The following ACER2 variants were observed in gnomAD, a reference collection of about 807,000 sequenced individuals.
ACER2 encodes alkCDase 2.
In ACER2, 26 loss-of-function variants were observed where a neutral mutation model predicts 34.7. That is an observed-to-expected ratio of 0.75 (90% confidence interval 0.55 to 1.04). ACER2 has a LOEUF of 1.04. ACER2 is among the 50% of genes least tolerant of loss of function. The pLI is 0.00. For missense variants in ACER2, 352 were observed against 340.8 expected (o/e 1.03, Z -0.26); for synonymous variants, 138 against 132.1 (o/e 1.04, Z -0.31).
chr9:19,411,448 G>A (rs1016781539), intron 1 of ACER2, among the ~76,000 whole-genome samples: 2 of 152,146 alleles, frequency 1.3e-5, no homozygotes, highest in East Asian at 1.9e-4. Context: ...GCTGTGGTGC[G>A]ATCTTGGCTC....
intron 1 of ACER2, among the ~76,000 whole-genome samples, chr9:19,414,310 T>G (rs1313371473): frequency 5.3e-5 from 8 of 152,220 alleles, no homozygotes; most frequent in African/African-American, 1.9e-4. Context: ...CTCAGCTGTT[T>G]ATGAACCTGC....
At chr9:19,450,394 C>T in intron 5 of ACER2, 56 bp from the exon 6 acceptor site, 1 of 1,480,224 alleles carries the variant, frequency 6.8e-7, no homozygotes, top group Non-Finnish European at 9.1e-7. Context: ...AGGCTAAACT[C>T]AGGGCAGCGG....
intron 4 of ACER2, among the ~76,000 whole-genome samples, chr9:19,441,239 T>G (rs914473300): frequency 6.6e-6 from 1 of 151,994 alleles, no homozygotes; most frequent in South Asian, 2.1e-4. Flanking sequence ...TTAGTAGAGA[T>G]GGGGTTTCAC....
rs373494086 is a variant in ACER2, at chr9:19,436,307, A to G, written c.503+1223A>G. 7.8e-4 allele frequency among the ~76,000 whole-genome samples: 119 copies of G among 152,290 alleles called. 2 individuals are homozygous for G. The South Asian group carries it at 0.023, about 29-fold the overall frequency. On this transcript the variant is annotated intron_variant, in intron 4 of 5. Coordinates refer to ENST00000340967, the MANE Select transcript of ACER2 (RefSeq NM_001010887.3). ...TCAAGAGTCACTAATGACGTTTTTT[A>G]AAAAACTAATTTTATCAAGTAGCTC... is the stretch of plus-strand genomic sequence containing the variant.
chr9:19,432,268 T>C (rs1292439006), intron 3 of ACER2, among the ~76,000 whole-genome samples: 1 of 152,224 alleles, frequency 6.6e-6, no homozygotes, highest in Admixed American at 6.5e-5. Context: ...TCTATTGGAA[T>C]TTTTTCTTAA....
At chr9:19,434,672 C>G (rs1241227998) in intron 3 of ACER2, among the ~76,000 whole-genome samples, 3 of 152,194 alleles carry the variant, frequency 2.0e-5, no homozygotes, top group Non-Finnish European at 4.4e-5. Flanking sequence ...ACTCCGCAGG[C>G]TGAGGCAGGA....
At chr9:19,415,269 T>C (rs1206076058) in intron 1 of ACER2, among the ~76,000 whole-genome samples, 1 of 152,158 alleles carries the variant, frequency 6.6e-6, no homozygotes, top group East Asian at 1.9e-4. Flanking sequence ...GGTGGGCTGA[T>C]CACTTGAGGT....
rs1318447045 is a variant in ACER2 at position 19,434,976 on chromosome 9, T to TG, written c.396dup (p.Ser133ValfsTer38). ...AGGTTCAAGGTGGTGGTCAGTGTCC[T>TG]GTCTGCGGTTACGACGTGCCTGGCA... On this transcript the variant is annotated frameshift_variant, in exon 4 of 6. Coordinates refer to ENST00000340967, the MANE Select transcript of ACER2 (RefSeq NM_001010887.3). LOFTEE classifies it high-confidence loss of function. The TG allele has an allele frequency of 1.2e-6, 2 of 1,614,076 alleles. No homozygotes were observed. The highest frequency in any genetic ancestry group is 1.7e-6 in the Non-Finnish European group (2 of 1,180,044).
intron 1 of ACER2, among the ~76,000 whole-genome samples, chr9:19,412,185 T>C (rs1707410274): frequency 6.6e-6 from 1 of 152,310 alleles, no homozygotes; most frequent in East Asian, 1.9e-4. Flanking sequence ...TACTTTTTGA[T>C]AGGAAAAAAG....
chr9:19,418,093 A>G (rs933704984), intron 1 of ACER2, among the ~76,000 whole-genome samples: 2 of 152,262 alleles, frequency 1.3e-5, no homozygotes, highest in Non-Finnish European at 2.9e-5. Flanking sequence ...AAACATATGA[A>G]AAAAGCTCAT....
chr9:19,432,451 G>C (rs1830785108), intron 3 of ACER2, among the ~76,000 whole-genome samples: 1 of 151,776 alleles, frequency 6.6e-6, no homozygotes, highest in African/African-American at 2.4e-5. Context: ...TTGCAAATCA[G>C]GTTTTATTGG....
In ACER2 at chr9:19,437,579, C is replaced by T. The variant is rs146040765; in HGVS notation, c.503+2495C>T. Among the ~76,000 whole-genome samples the T allele has an allele frequency of 2.5e-3, 374 of 152,300 alleles. 1 individual carries two copies. The highest frequency in any genetic ancestry group is 0.01 in the Middle Eastern group (3 of 294). ...TATCCTTTACAAAAACCTTCAGTGG[C>T]GCCTCGTTGTCTAAGCTTCCCTTAG... On this transcript the variant is annotated intron_variant, in intron 4 of 5. Coordinates refer to ENST00000340967, the MANE Select transcript of ACER2 (RefSeq NM_001010887.3).
intron 5 of ACER2, among the ~76,000 whole-genome samples, chr9:19,447,498 A>G (rs976762927): frequency 2.6e-5 from 4 of 152,168 alleles, no homozygotes; most frequent in Non-Finnish European, 5.9e-5. Context: ...ATTGCTCGAT[A>G]TTTTTTAGAT....
rs565807516 is a variant in ACER2 at position 19,414,995 on chromosome 9, GTTCC to G, written c.108+5807_108+5810del. 1.3e-4 allele frequency among the ~76,000 whole-genome samples: 20 copies of G among 152,146 alleles called. No individual in the cohort carries two copies. The South Asian group carries it at 4.1e-3, about 32-fold the overall frequency. ...TTTGCTTTTTTGTATTTCTTTTGGTGTTCCTTCATCTTTTTCTCTTGGGGAAAGT... is the reference window on the plus strand; with the variant it reads ...TTTGCTTTTTTGTATTTCTTTTGGTGTTCATCTTTTTCTCTTGGGGAAAGT... On this transcript the variant is annotated intron_variant, in intron 1 of 5. Transcript: ENST00000340967.
At chr9:19,419,836 C>T (rs972131024) in intron 1 of ACER2, among the ~76,000 whole-genome samples, 1 of 152,150 alleles carries the variant, frequency 6.6e-6, no homozygotes, top group Admixed American at 6.6e-5. Context: ...AATGATACAG[C>T]CCCACTTAGG....
In ACER2 at chr9:19,452,477, GTA is replaced by G. The variant is rs949866895; in HGVS notation, c.*1843_*1844del. Among the ~76,000 whole-genome samples, 1 of 152,134 alleles carries G rather than the reference GTA, an allele frequency of 6.6e-6. No homozygotes were observed. The highest frequency in any genetic ancestry group is 2.4e-5 in the African/African-American group (1 of 41,416). Reference sequence around the variant, plus strand: ...GGAACCCCAGTGTGTGAAGTAAATTGTATGTTATTAAATTTATTTAAGGTTAA... The same window carrying G: ...GGAACCCCAGTGTGTGAAGTAAATTGTGTTATTAAATTTATTTAAGGTTAA... On this transcript the variant is annotated 3_prime_UTR_variant, in exon 6 of 6. Transcript: ENST00000340967.
At chr9:19,442,136 G>A (rs1831175640) in intron 4 of ACER2, among the ~76,000 whole-genome samples, 1 of 152,094 alleles carries the variant, frequency 6.6e-6, no homozygotes, top group Non-Finnish European at 1.5e-5. Flanking sequence ...CACTGAAATT[G>A]GTGGTGTTAA....
At chr9:19,420,709 A>G (rs942702344) in intron 1 of ACER2, among the ~76,000 whole-genome samples, 4 of 152,170 alleles carry the variant, frequency 2.6e-5, no homozygotes, top group African/African-American at 9.7e-5. Context: ...GTAATTTATA[A>G]TAACAGAAAT....
intron 4 of ACER2, among the ~76,000 whole-genome samples, chr9:19,443,905 C>G (rs1486086528): frequency 6.6e-6 from 1 of 152,160 alleles, no homozygotes; most frequent in African/African-American, 2.4e-5. Flanking sequence ...GATCCTCCCA[C>G]CTTGGCCTCC....
Sources: gnomAD v4.1 joint callset for allele counts (sites outside exome capture counted in the v4.1 genomes callset) on GRCh38, gnomAD v4.1.1 for gene constraint, MANE v1.5 for transcripts, NCBI Gene and HGNC (gene_info 2026-07-23, HGNC 2026-07-21) for gene names.